NLRP4: variants seen among roughly 807,000 people sequenced by gnomAD.
NLRP4 encodes the protein NLR family pyrin domain containing 4.
In NLRP4, 44 loss-of-function variants were observed where a neutral mutation model predicts 84.7. The observed-to-expected ratio is 0.52, with a 90% CI of 0.41 to 0.67. The LOEUF is 0.67. Among genes scored for constraint, NLRP4 ranks in the 30% least tolerant of loss-of-function variants. NLRP4 has a pLI of 0.00. For synonymous variants in NLRP4, 544 were observed against 476.4 expected (o/e 1.14, Z -1.85); for missense variants, 1,260 against 1,219.4 (o/e 1.03, Z -0.50).
intron 5 of NLRP4, among the ~76,000 whole-genome samples, chr19:55,863,191 G>A (rs184915853): frequency 2.0e-5 from 3 of 152,298 alleles, no homozygotes; most frequent in African/African-American, 4.8e-5. Context: ...ATTGTTGATG[G>A]CAATGAGCCA....
chr19:55,837,707 GC>G (rs980326042), intron 1 of NLRP4, among the ~76,000 whole-genome samples: 1 of 151,950 alleles, frequency 6.6e-6, no homozygotes, highest in Admixed American at 6.6e-5. Context: ...GGAGTGAGTG[GC>G]CCCCCTAACT....
chr19:55,859,679 C>T (rs928744374), intron 3 of NLRP4, among the ~76,000 whole-genome samples: 2 of 151,830 alleles, frequency 1.3e-5, no homozygotes, highest in East Asian at 3.9e-4. Context: ...TGTAACCCTA[C>T]CACTGTGGGA....
At chr19:55,841,706 C>CA (rs199630426) in intron 1 of NLRP4, among the ~76,000 whole-genome samples, 1,956 of 151,708 alleles carry the variant, frequency 0.013, 39 homozygotes, top group African/African-American at 0.043. Context: ...ATTAAAAATA[C>CA]AAAAAAAAGT....
chr19:55,851,773 G>A (rs1486268388), intron 1 of NLRP4, among the ~76,000 whole-genome samples: 1 of 151,898 alleles, frequency 6.6e-6, no homozygotes, highest in African/African-American at 2.4e-5. Flanking sequence ...GTCTATATTT[G>A]CCTGGATATT....
At chr19:55,847,161 G>A (rs1275336423) in intron 1 of NLRP4, among the ~76,000 whole-genome samples, 2 of 151,892 alleles carry the variant, frequency 1.3e-5, no homozygotes, top group Admixed American at 6.6e-5. Context: ...TTGAGGGGGG[G>A]GCAGCAACAT....
At chr19:55,847,868 C>T (rs1161736231) in intron 1 of NLRP4, among the ~76,000 whole-genome samples, 1 of 152,068 alleles carries the variant, frequency 6.6e-6, no homozygotes, top group Non-Finnish European at 1.5e-5. Flanking sequence ...ACACCTGCCA[C>T]CACGCCCGGC....
chr19:55,881,165 G>GTA (rs988489296), intron 9 of NLRP4, among the ~76,000 whole-genome samples: 4 of 151,634 alleles, frequency 2.6e-5, no homozygotes, highest in African/African-American at 9.7e-5. Flanking sequence ...GTGTGTGTGT[G>GTA]TACCTGTCTT....
chr19:55,877,505 G>A (rs4801282), intron 8 of NLRP4, among the ~76,000 whole-genome samples: 62,492 of 151,950 alleles, frequency 0.41, 13,118 homozygotes, highest in East Asian at 0.61. Context: ...ACTGGGCCAC[G>A]TCTCATTATC....
At chr19:55,871,398 AC>A (rs1467407129) in intron 7 of NLRP4, among the ~76,000 whole-genome samples, 1 of 152,160 alleles carries the variant, frequency 6.6e-6, no homozygotes, top group Non-Finnish European at 1.5e-5. Context: ...CCAAAAATAC[AC>A]GTGAGAATTA....
At chr19:55,863,612 C>T (rs910774316) in intron 5 of NLRP4, among the ~76,000 whole-genome samples, 5 of 152,138 alleles carry the variant, frequency 3.3e-5, no homozygotes, top group African/African-American at 1.2e-4. Context: ...CCTCCTCCAA[C>T]ACTGGGATTA....
intron 1 of NLRP4, among the ~76,000 whole-genome samples, chr19:55,847,355 T>G (rs1983836851): frequency 1.3e-5 from 2 of 152,234 alleles, no homozygotes; most frequent in Admixed American, 1.3e-4. Flanking sequence ...AGAGCATAAT[T>G]GATTATCATG....
intron 1 of NLRP4, among the ~76,000 whole-genome samples, chr19:55,847,943 C>A (rs1424604459): frequency 1.3e-5 from 2 of 152,102 alleles, no homozygotes; most frequent in Non-Finnish European, 2.9e-5. Flanking sequence ...TCTCAAACTC[C>A]TGACCTCGTG....
At chr19:55,872,832 A>C (rs549616587) in intron 7 of NLRP4, among the ~76,000 whole-genome samples, 1 of 152,368 alleles carries the variant, frequency 6.6e-6, no homozygotes, top group Admixed American at 6.5e-5. Flanking sequence ...ATAAGCGCTT[A>C]ACAGGATAAA....
At chr19:55,871,728 C>A (rs10500320) in intron 7 of NLRP4, among the ~76,000 whole-genome samples, 28,573 of 152,056 alleles carry the variant, frequency 0.19, 2,911 homozygotes, top group African/African-American at 0.24. Flanking sequence ...TGCATTCTTT[C>A]TCTCCCAGTA....
chr19:55,854,361 C>A (rs1374124146), intron 2 of NLRP4, among the ~76,000 whole-genome samples: 1 of 152,050 alleles, frequency 6.6e-6, no homozygotes, highest in Non-Finnish European at 1.5e-5. Flanking sequence ...ATTCCATCTT[C>A]TATTTTATTG....
chr19:55,875,551 A>G (rs1985337235), intron 7 of NLRP4, among the ~76,000 whole-genome samples: 1 of 152,344 alleles, frequency 6.6e-6, no homozygotes, highest in East Asian at 1.9e-4. Context: ...ACAATGTTAT[A>G]TTCAAAGATT....
chr19:55,849,094 C>A (rs1477787655), intron 1 of NLRP4, among the ~76,000 whole-genome samples: 1 of 152,178 alleles, frequency 6.6e-6, no homozygotes, highest in Non-Finnish European at 1.5e-5. Context: ...TGAGAACAGA[C>A]TAATACACCA....
chr19:55,839,124 C>T (rs533586246), intron 1 of NLRP4, among the ~76,000 whole-genome samples: 2 of 152,242 alleles, frequency 1.3e-5, no homozygotes, highest in South Asian at 4.2e-4. Flanking sequence ...TCTCCCTCCC[C>T]TTTCCCACCC....
chr19:55,836,747 A>G lies in NLRP4; in HGVS notation c.-253A>G, dbSNP rs925567567. 1 of 146,586 alleles carries G rather than the reference A, an allele frequency of 6.8e-6. No individual in the cohort carries two copies. Among genetic ancestry groups the G allele is most frequent in the African/African-American group, 2.6e-5 (1 of 37,948 alleles). 9.1% of individuals were successfully genotyped at this position (146,586 alleles called of 1,614,324 possible). A position where few individuals can be genotyped will look rare whatever the true frequency, so the allele number is the denominator to read the frequency against. On this transcript the variant is annotated 5_prime_UTR_variant, in exon 1 of 10. Transcript: ENST00000301295. ...TTCTCTCCAGTTAGTGGGGTAGATG[A>G]ACGCCCTGTGTTTATAAGGTGCCTC...
Sources: gnomAD v4.1 joint callset for allele counts (sites outside exome capture counted in the v4.1 genomes callset) on GRCh38, gnomAD v4.1.1 for gene constraint, MANE v1.5 for transcripts, NCBI Gene and HGNC (gene_info 2026-07-23, HGNC 2026-07-21) for gene names.